APP: variants seen among roughly 807,000 people sequenced by gnomAD.
The protein encoded by APP is amyloid-beta precursor protein.
In APP, 31 loss-of-function variants were observed where a neutral mutation model predicts 101.4. That is an observed-to-expected ratio of 0.31 (90% CI 0.23 to 0.41). APP has a LOEUF of 0.41. Ranked by LOEUF, APP falls within the 10% of genes least tolerant of loss-of-function variation. The pLI, the probability that APP is intolerant of heterozygous loss-of-function variation, is 1.00. For missense variants in APP, 839 were observed against 1,003.7 expected, an observed-to-expected ratio of 0.84 and a Z score of 2.22; for synonymous variants, 366 against 364.4, an observed-to-expected ratio of 1.00 and a Z score of -0.05.
chr21:25,946,032 A>G (rs1275683221), intron 13 of APP: 4 of 378,366 alleles, frequency 1.1e-5, no homozygotes, highest in Non-Finnish European at 1.6e-5. Flanking sequence ...ATTTATATGC[A>G]AAAGAATAAA....
chr21:26,155,406 A>G (rs945068547), intron 1 of APP, among the ~76,000 whole-genome samples: 10 of 152,262 alleles, frequency 6.6e-5, no homozygotes, highest in African/African-American at 2.4e-4. Context: ...TTAGTGACAG[A>G]CTAAAATTAA....
intron 2 of APP, among the ~76,000 whole-genome samples, chr21:26,101,312 T>TG (rs1292929060): frequency 6.6e-6 from 1 of 152,076 alleles, no homozygotes; most frequent in African/African-American, 2.4e-5. Context: ...TTGGCTAGGA[T>TG]GGTCTTGATC....
intron 2 of APP, among the ~76,000 whole-genome samples, chr21:26,105,004 A>G (rs2062148001): frequency 6.7e-6 from 1 of 149,360 alleles, no homozygotes; most frequent in Non-Finnish European, 1.5e-5. Context: ...CTATTGGGAG[A>G]AAAAAAAAAT....
intron 5 of APP, among the ~76,000 whole-genome samples, chr21:26,038,685 A>G (rs2045236043): frequency 6.6e-6 from 1 of 151,880 alleles, no homozygotes; most frequent in Admixed American, 6.6e-5. Context: ...AATTGCTTGA[A>G]CTCAGGAGAC....
intron 3 of APP, among the ~76,000 whole-genome samples, chr21:26,075,408 A>G (rs1319045011): frequency 2.6e-5 from 4 of 152,220 alleles, no homozygotes; most frequent in African/African-American, 9.6e-5. Context: ...CCTCAAAGCC[A>G]CTGATTATAA....
rs756941168 is a variant in APP, at chr21:25,911,901, T to G, written c.1749A>C (p.Glu583Asp). Residue 583 changes from glutamate (E) to aspartate (D), a missense_variant, in exon 14 of 18, where the codon GAA becomes GAC. Physicochemically the swap from Glu to Asp is conservative, Grantham distance 45. Transcript: ENST00000346798. ...SDDVLANMIS[E>D]PRISYGNDAL... The stretch of plus-strand genomic sequence containing the variant: ...CATCGTTTCCGTAACTGATCCTTGG[T>G]TCACTAATCATGTTGGCCAAGACGT... 1 of 1,614,204 alleles carries G rather than the reference T, an allele frequency of 6.2e-7. No individual in the cohort carries two copies. Among genetic ancestry groups the G allele is most frequent in the African/African-American group, 1.3e-5 (1 of 75,048 alleles).
chr21:25,888,397 C>G (rs2037478159), intron 17 of APP, among the ~76,000 whole-genome samples: 1 of 152,184 alleles, frequency 6.6e-6, no homozygotes, highest in African/African-American at 2.4e-5. Flanking sequence ...GTTCTACCAT[C>G]CCAGCTAAAC....
At chr21:25,898,025 T>G (rs1406847963) in intron 15 of APP, 2 of 307,908 alleles carry the variant, frequency 6.5e-6, no homozygotes, top group African/African-American at 4.4e-5. Flanking sequence ...GGCTTATTGT[T>G]TAGCCTATTA....
At chr21:26,135,121 A>G (rs1349290895) in intron 1 of APP, among the ~76,000 whole-genome samples, 1 of 152,206 alleles carries the variant, frequency 6.6e-6, no homozygotes, top group Non-Finnish European at 1.5e-5. Context: ...ACAGCAAGAG[A>G]TATTATTCCC....
At chr21:25,952,282 T>C (rs2041122134) in intron 13 of APP, among the ~76,000 whole-genome samples, 1 of 151,950 alleles carries the variant, frequency 6.6e-6, no homozygotes, top group Non-Finnish European at 1.5e-5. Context: ...AGTTTGAGGG[T>C]ACATGTGCAC....
At chr21:25,944,036 C>T (rs1291067947) in intron 13 of APP, among the ~76,000 whole-genome samples, 3 of 151,118 alleles carry the variant, frequency 2.0e-5, no homozygotes, top group East Asian at 1.9e-4. Flanking sequence ...ATTTCAATGC[C>T]CCCCCCCAAC....
At chr21:26,039,008 G>A (rs1407645274) in intron 5 of APP, among the ~76,000 whole-genome samples, 1 of 152,134 alleles carries the variant, frequency 6.6e-6, no homozygotes, top group Non-Finnish European at 1.5e-5. Flanking sequence ...TATTTTTGAA[G>A]CAAAGATTAT....
chr21:26,161,155 C>G (rs1340918424), intron 1 of APP, among the ~76,000 whole-genome samples: 1 of 152,068 alleles, frequency 6.6e-6, no homozygotes, highest in Non-Finnish European at 1.5e-5. Flanking sequence ...AGTGATCAAA[C>G]AAATTACTGT....
intron 13 of APP, among the ~76,000 whole-genome samples, chr21:25,916,239 C>T (rs1011746939): frequency 5.3e-5 from 8 of 152,144 alleles, no homozygotes; most frequent in Admixed American, 1.3e-4. Context: ...TGACCTCAGG[C>T]GATCTGCCTG....
At chr21:26,069,875 C>T (rs1303606043) in intron 3 of APP, among the ~76,000 whole-genome samples, 1 of 152,142 alleles carries the variant, frequency 6.6e-6, no homozygotes, top group Admixed American at 6.5e-5. Flanking sequence ...AAAAAGATGT[C>T]ACTGCATTTA....
At chr21:25,949,641 T>A (rs2040978104) in intron 13 of APP, among the ~76,000 whole-genome samples, 1 of 152,132 alleles carries the variant, frequency 6.6e-6, no homozygotes, top group Non-Finnish European at 1.5e-5. Context: ...AGTACCAGGG[T>A]CCTTGCTGGA....
intron 13 of APP, among the ~76,000 whole-genome samples, chr21:25,917,419 T>C (rs2039407423): frequency 6.6e-6 from 1 of 152,198 alleles, no homozygotes; most frequent in Non-Finnish European, 1.5e-5. Flanking sequence ...AATATTTTGT[T>C]TTTTCTTAGA....
At chr21:26,027,265 T>A (rs1175621228) in intron 5 of APP, among the ~76,000 whole-genome samples, 1 of 151,842 alleles carries the variant, frequency 6.6e-6, no homozygotes, top group East Asian at 1.9e-4. Context: ...TCTGTGGATA[T>A]GAAAATGGGA....
intron 6 of APP, among the ~76,000 whole-genome samples, chr21:26,005,643 T>C (rs958458584): frequency 2.0e-5 from 3 of 152,188 alleles, no homozygotes; most frequent in Non-Finnish European, 4.4e-5. Context: ...AAACACATCT[T>C]CAATAAGCCG....
Sources: allele counts gnomAD v4.1 joint callset (sites outside exome capture counted in the v4.1 genomes callset), GRCh38; gene constraint gnomAD v4.1.1; transcripts MANE v1.5; gene names NCBI Gene and HGNC (gene_info 2026-07-23, HGNC 2026-07-21).